The following RBMS3 variants were observed in gnomAD, a reference collection of about 807,000 sequenced individuals.
The protein encoded by RBMS3 is RNA-binding motif, single-stranded-interacting protein 3.
Under a neutral mutation model 66.8 loss-of-function variants are expected in RBMS3, and 27 were observed. The ratio of observed to expected loss-of-function variants is 0.40; its 90% confidence interval spans 0.30 to 0.56. RBMS3 has a LOEUF of 0.56. Ranked by LOEUF, RBMS3 falls within the 20% of genes least tolerant of loss-of-function variation. RBMS3 has a pLI of 0.40. For missense variants in RBMS3, 513 were observed against 549.5 expected (o/e 0.93, Z 0.66); for synonymous variants, 188 against 183.0 (o/e 1.03, Z -0.22).
chr3:29,761,249 A>G (rs890227475), intron 5 of RBMS3, among the ~76,000 whole-genome samples: 3 of 152,110 alleles, frequency 2.0e-5, no homozygotes, highest in Non-Finnish European at 4.4e-5. Context: ...ATACAGAAAG[A>G]TGCACTCTCA....
At chr3:29,728,893 A>G (rs1367124914) in intron 4 of RBMS3, among the ~76,000 whole-genome samples, 1 of 152,164 alleles carries the variant, frequency 6.6e-6, no homozygotes, top group Non-Finnish European at 1.5e-5. Context: ...GACATTGGAC[A>G]ATTTAGGAAT....
chr3:29,545,568 G>A (rs1049899330), intron 3 of RBMS3, among the ~76,000 whole-genome samples: 1 of 152,120 alleles, frequency 6.6e-6, no homozygotes, highest in African/African-American at 2.4e-5. Context: ...GCATTTCAGC[G>A]CTATGTTGAA....
At chr3:29,998,806 C>A (rs1230780869) in intron 14 of RBMS3, among the ~76,000 whole-genome samples, 1 of 152,158 alleles carries the variant, frequency 6.6e-6, no homozygotes, top group Non-Finnish European at 1.5e-5. Flanking sequence ...AGACCTAAAA[C>A]CATAAAAACT....
chr3:29,752,723 C>T (rs879346664), intron 5 of RBMS3, among the ~76,000 whole-genome samples: 27 of 152,104 alleles, frequency 1.8e-4, no homozygotes, highest in Non-Finnish European at 3.7e-4. Flanking sequence ...CCTCTTTAGA[C>T]TCTCAAGCCC....
intron 4 of RBMS3, among the ~76,000 whole-genome samples, chr3:29,604,289 A>T (rs1034157009): frequency 7.9e-5 from 12 of 151,956 alleles, no homozygotes; most frequent in African/African-American, 2.9e-4. Context: ...AAACTATATG[A>T]TTACTTATTG....
intron 4 of RBMS3, among the ~76,000 whole-genome samples, chr3:29,600,725 G>A (rs2048114378): frequency 6.6e-6 from 1 of 151,968 alleles, no homozygotes; most frequent in African/African-American, 2.4e-5. Flanking sequence ...TTATGGCAAA[G>A]CCATCAACTG....
chr3:29,691,176 T>G (rs2051990251), intron 4 of RBMS3, among the ~76,000 whole-genome samples: 1 of 152,216 alleles, frequency 6.6e-6, no homozygotes, highest in Non-Finnish European at 1.5e-5. Flanking sequence ...GTATTGACAC[T>G]TTCATCAAAC....
At chr3:29,435,362 G>C (rs112841918) in intron 2 of RBMS3, among the ~76,000 whole-genome samples, 1 of 152,136 alleles carries the variant, frequency 6.6e-6, no homozygotes, top group African/African-American at 2.4e-5. Flanking sequence ...GTAAATGTCC[G>C]TTCAGCCAGG....
chr3:29,615,381 T>C (rs1004644855), intron 4 of RBMS3: 5 of 152,024 alleles, frequency 3.3e-5, no homozygotes, highest in African/African-American at 1.2e-4. Flanking sequence ...TTCCTCATAT[T>C]AATAGGATGT....
intron 1 of RBMS3, among the ~76,000 whole-genome samples, chr3:29,318,763 G>A (rs2034837366): frequency 6.6e-6 from 1 of 151,844 alleles, no homozygotes; most frequent in Non-Finnish European, 1.5e-5. Context: ...ATGCCAACTT[G>A]AATGAGACAA....
chr3:29,712,262 G>A (rs2053203447), intron 4 of RBMS3, among the ~76,000 whole-genome samples: 1 of 151,916 alleles, frequency 6.6e-6, no homozygotes, highest in Admixed American at 6.6e-5. Flanking sequence ...ATCTGTGAGG[G>A]TGTTTCTGGG....
chr3:29,719,912 T>A (rs1272529166), intron 4 of RBMS3, among the ~76,000 whole-genome samples: 3 of 151,348 alleles, frequency 2.0e-5, no homozygotes, highest in Admixed American at 2.0e-4. Flanking sequence ...TTATTGGCCC[T>A]ACATTTTCTT....
intron 1 of RBMS3, among the ~76,000 whole-genome samples, chr3:29,372,272 G>A (rs541226202): frequency 1.8e-4 from 27 of 152,224 alleles, no homozygotes; most frequent in Non-Finnish European, 3.5e-4. Flanking sequence ...GGAGGCTGCA[G>A]TGAGTGAGAT....
intron 6 of RBMS3, among the ~76,000 whole-genome samples, chr3:29,808,173 G>C (rs867862511): frequency 7.3e-5 from 11 of 151,636 alleles, no homozygotes; most frequent in Non-Finnish European, 1.5e-4. Context: ...CATTTTTGTT[G>C]TTCATTTTTT....
intron 1 of RBMS3, among the ~76,000 whole-genome samples, chr3:29,300,237 A>T (rs972786753): frequency 1.3e-5 from 2 of 151,994 alleles, no homozygotes; most frequent in African/African-American, 2.4e-5. Flanking sequence ...GAATAGGTGA[A>T]TTTTGGATCT....
chr3:29,656,913 A>G (rs1159995421), intron 4 of RBMS3, among the ~76,000 whole-genome samples: 1 of 152,168 alleles, frequency 6.6e-6, no homozygotes, highest in Non-Finnish European at 1.5e-5. Flanking sequence ...AGTGGGTGAC[A>G]TTTCATATAA....
At chr3:29,586,084 C>G (rs2047510548) in intron 3 of RBMS3, among the ~76,000 whole-genome samples, 1 of 152,066 alleles carries the variant, frequency 6.6e-6, no homozygotes, top group Admixed American at 6.6e-5. Flanking sequence ...CACCTCAAAA[C>G]TTCTAAATGA....
At chr3:29,719,631 T>G (rs1252126153) in intron 4 of RBMS3, among the ~76,000 whole-genome samples, 1 of 152,150 alleles carries the variant, frequency 6.6e-6, no homozygotes, top group East Asian at 1.9e-4. Flanking sequence ...AAAGTAGAGT[T>G]GTAGATTTCC....
rs1381361620 is a variant in RBMS3, at chr3:29,928,201, TATATATATATACACAC to T, written c.940-7883_940-7868del. 3.3e-3 allele frequency among the ~76,000 whole-genome samples: 359 copies of T among 109,032 alleles called. 1 individual carries two copies. The highest frequency in any genetic ancestry group is 0.012 in the African/African-American group (347 of 30,110). The allele number at this position is 109,032 out of a possible 152,430, so 71.5% of individuals were successfully genotyped here. A position where few individuals can be genotyped will look rare whatever the true frequency, so the allele number is the denominator to read the frequency against. Reference sequence around the variant, plus strand: ...AATTTTATATATATATATATATATATATATATATATACACACACACACACACACACACACATATATA... The same window carrying T: ...AATTTTATATATATATATATATATATACACACACACACACACACATATATA... On this transcript the variant is annotated intron_variant, in intron 10 of 14. Coordinates refer to ENST00000383767, the MANE Select transcript of RBMS3 (RefSeq NM_001003793.3).
Sources: allele counts gnomAD v4.1 joint callset (sites outside exome capture counted in the v4.1 genomes callset), GRCh38; gene constraint gnomAD v4.1.1; transcripts MANE v1.5; gene names NCBI Gene and HGNC (gene_info 2026-07-23, HGNC 2026-07-21).